Variants in AFG3L2 observed in about 807,000 individuals in gnomAD.
The protein encoded by AFG3L2 is mitochondrial inner membrane m-AAA protease component AFG3L2.
A neutral mutation model predicts 94.5 loss-of-function variants in AFG3L2; 54 were observed. The observed-to-expected ratio is 0.57, with a 90% CI of 0.46 to 0.72. AFG3L2 has a LOEUF of 0.72. AFG3L2 is among the 30% of genes least tolerant of loss of function. The pLI is 0.00. For synonymous variants in AFG3L2, 377 were observed against 365.5 expected, an observed-to-expected ratio of 1.03 and a Z score of -0.36; for missense variants, 754 against 994.9, an observed-to-expected ratio of 0.76 and a Z score of 3.26.
At chr18:12,334,933 G>A (rs375329200) in intron 16 of AFG3L2, among the ~76,000 whole-genome samples, 1 of 152,158 alleles carries the variant, frequency 6.6e-6, no homozygotes, top group Non-Finnish European at 1.5e-5. Flanking sequence ...GCTCTGGAGG[G>A]CCTGGGACTT....
At chr18:12,369,458 G>A (rs941224044) in intron 3 of AFG3L2, among the ~76,000 whole-genome samples, 1 of 152,184 alleles carries the variant, frequency 6.6e-6, no homozygotes, top group Non-Finnish European at 1.5e-5. Flanking sequence ...GAGGCCAGGT[G>A]CAGTGGTCAC....
intron 12 of AFG3L2, among the ~76,000 whole-genome samples, chr18:12,350,197 G>T (rs1908268829): frequency 6.6e-6 from 1 of 151,096 alleles, no homozygotes; most frequent in Non-Finnish European, 1.5e-5. Flanking sequence ...TTTTAGTAGA[G>T]ACAGGGTTTT....
chr18:12,352,281 C>T (rs980747420), intron 10 of AFG3L2, among the ~76,000 whole-genome samples: 1 of 152,184 alleles, frequency 6.6e-6, no homozygotes, highest in Non-Finnish European at 1.5e-5. Context: ...GGCTGACCAT[C>T]GCGGGACGGA....
rs1197071083 is a variant in AFG3L2 at position 12,340,396 on chromosome 18, G to A, written c.1785C>T (p.Ser595=). 1 of 1,612,812 alleles carries A rather than the reference G, an allele frequency of 6.2e-7. No individual in the cohort carries two copies. The highest frequency in any genetic ancestry group is 2.2e-5 in the East Asian group (1 of 44,854). Residue 595 remains serine (S), a synonymous_variant, in exon 15 of 17, where the codon TCC becomes TCT. Transcript: ENST00000269143. ...CTAGTCCTTTGCCACGTGGGATGAT[G>A]GATACCTGGTAAGTAGAAAACAGTG... is the stretch of plus-strand genomic sequence containing the variant. ...LEHADPLLKV[S]IIPRGKGLGY...
intron 13 of AFG3L2, among the ~76,000 whole-genome samples, chr18:12,347,554 A>AT (rs34215474): frequency 0.024 from 3,441 of 140,652 alleles, 121 homozygotes; most frequent in African/African-American, 0.086. Context: ...TATTATTATT[A>AT]TTTTTTTTTT....
intron 16 of AFG3L2, 149 bp downstream of exon 16, chr18:12,337,192 C>T: frequency 1.4e-6 from 1 of 738,702 alleles, no homozygotes; most frequent in South Asian, 1.5e-5. Flanking sequence ...GAAGACAGAG[C>T]AGACAACGAA....
intron 6 of AFG3L2, 147 bp from the exon 7 acceptor site, chr18:12,360,198 T>C: frequency 1.3e-6 from 1 of 770,052 alleles, no homozygotes; most frequent in Non-Finnish European, 2.0e-6. Context: ...CTGGCTTTAA[T>C]AATGGTGGTG....
At position 12,367,117 on chromosome 18, in the gene AFG3L2, C is replaced by T. The variant is rs1250198307; in HGVS notation, c.400G>A (p.Gly134Ser). The T allele has an allele frequency of 6.2e-7, 1 of 1,614,206 alleles. No individual in the cohort carries two copies. Among genetic ancestry groups the T allele is most frequent in the Admixed American group, 1.7e-5 (1 of 60,022 alleles). Reference protein sequence around the residue: ...DSHWWSRFQKGDIPWDDKDFR... With the variant: ...DSHWWSRFQKSDIPWDDKDFR... ...TCCTTGTCGTCCCATGGAATGTCACCCTGGGCAGAGAGGGAGACAGCTTCT... is the reference window on the plus strand; with the variant it reads ...TCCTTGTCGTCCCATGGAATGTCACTCTGGGCAGAGAGGGAGACAGCTTCT... The change falls in exon 5 of 17, where the codon GGT (glycine) becomes AGT (serine). Residue 134 changes from glycine (G) to serine (S), a missense_variant and splice_region_variant. Around this residue, in one of 4 missense-constraint regions of AFG3L2, gnomAD observed 236 missense variants for 214.0 expected, o/e 1.10. Transcript: ENST00000269143.
At chr18:12,373,135 A>C (rs2143239685) in intron 1 of AFG3L2, among the ~76,000 whole-genome samples, 1 of 152,356 alleles carries the variant, frequency 6.6e-6, no homozygotes, top group Non-Finnish European at 1.5e-5. Flanking sequence ...AGGAACACCA[A>C]CACTGTTTTT....
chr18:12,355,298 G>A (rs1908456983), intron 9 of AFG3L2, among the ~76,000 whole-genome samples: 1 of 151,314 alleles, frequency 6.6e-6, no homozygotes. Flanking sequence ...AACTCTCCAA[G>A]GAAGATATAC....
At chr18:12,359,070 G>A (rs1908581068) in intron 7 of AFG3L2, 127 bp from the exon 8 acceptor site, 10 of 1,356,942 alleles carry the variant, frequency 7.4e-6, no homozygotes, top group Admixed American at 2.2e-5. Flanking sequence ...TAATACAAAG[G>A]AGGGTAACTT....
chr18:12,331,995 C>A (rs892926594), intron 16 of AFG3L2, among the ~76,000 whole-genome samples: 13 of 151,828 alleles, frequency 8.6e-5, no homozygotes, highest in Non-Finnish European at 1.3e-4. Context: ...GAAAAAGGGA[C>A]CCCTACCGGA....
Position 12,337,397 on chromosome 18 carries a change from C to T in AFG3L2, c.2119G>A (p.Asp707Asn), listed in dbSNP as rs766758709. Residue 707 changes from aspartate (D) to asparagine (N), a missense_variant, in exon 16 of 17, where the codon GAT becomes AAT. Physicochemically the swap from Asp to Asn is conservative, Grantham distance 23 (BLOSUM62 1). This residue lies in a region of AFG3L2 where 279 missense variants were observed against 378.6 expected (regional missense o/e 0.74). Transcript: ENST00000269143. ...IDDEVRILIN[D>N]AYKRTVALLT... The stretch of plus-strand genomic sequence containing the variant: ...AGAGCTACTGTTCTTTTATAAGCAT[C>T]ATTAATAAGTATTCGTACTTCATCA... 2 of 1,614,158 alleles carry T rather than the reference C, an allele frequency of 1.2e-6. No individual in the cohort carries two copies. Among genetic ancestry groups the T allele is most frequent in the Non-Finnish European group, 8.5e-7 (1 of 1,179,974 alleles).
intron 16 of AFG3L2, among the ~76,000 whole-genome samples, chr18:12,333,099 T>C (rs1359149000): frequency 2.5e-5 from 1 of 39,336 alleles, no homozygotes; most frequent in African/African-American, 7.2e-5. Flanking sequence ...GATTATAATC[T>C]ATTATATAAC....
intron 16 of AFG3L2, among the ~76,000 whole-genome samples, chr18:12,335,976 G>A (rs1428142635): frequency 6.6e-6 from 1 of 152,218 alleles, no homozygotes; most frequent in Non-Finnish European, 1.5e-5. Context: ...AGCTGCCTTT[G>A]CAAAATTATA....
intron 15 of AFG3L2, among the ~76,000 whole-genome samples, chr18:12,339,678 C>A (rs138418731): frequency 0.024 from 3,574 of 151,544 alleles, 155 homozygotes; most frequent in African/African-American, 0.082. Flanking sequence ...GAAACCCTGT[C>A]TCTACTAAAA....
chr18:12,348,317 A>T lies in AFG3L2; in HGVS notation c.1619T>A (p.Ile540Lys). ...TGCCTGTTCAAAGTGTTTCTGATTT[A>T]TGGAATCTGACAGATGCCTTGCAGC... ...LIAARHLSDS[I>K]NQKHFEQAIE... The change falls in exon 13 of 17, where the codon ATA becomes AAA. Residue 540 changes from isoleucine (I) to lysine (K), a missense_variant. Physicochemically the swap from Ile to Lys is moderately radical, Grantham distance 102. This residue lies in a region of AFG3L2 where 279 missense variants were observed against 378.6 expected (regional missense o/e 0.74). Transcript: ENST00000269143. 1 of 1,614,206 alleles carries T rather than the reference A, an allele frequency of 6.2e-7. No individual in the cohort carries two copies. Among genetic ancestry groups the T allele is most frequent in the East Asian group, 2.2e-5 (1 of 44,874 alleles).
intron 6 of AFG3L2, among the ~76,000 whole-genome samples, chr18:12,363,371 ATGGT>A (rs1359972049): frequency 6.6e-6 from 1 of 152,138 alleles, no homozygotes; most frequent in East Asian, 1.9e-4. Flanking sequence ...ATATCACAAA[ATGGT>A]TGGGAGATGG....
In AFG3L2 at chr18:12,353,163, G is replaced by A. The variant is rs1416177816; in HGVS notation, c.1165-5C>T. Reference sequence around the variant, plus strand: ...AAGGGCAAATAAGTCTCGGACCTTGGCAAAAACAGAAAGAGAGTCACCTGA... The same window carrying A: ...AAGGGCAAATAAGTCTCGGACCTTGACAAAAACAGAAAGAGAGTCACCTGA... On this transcript the variant is annotated splice_region_variant and splice_polypyrimidine_tract_variant and intron_variant, in intron 9 of 16. Coordinates refer to ENST00000269143, the MANE Select transcript of AFG3L2 (RefSeq NM_006796.3). 2.5e-6 allele frequency: 4 copies of A among 1,613,762 alleles called. No homozygotes were observed. The East Asian group carries it at 8.9e-5, about 36-fold the overall frequency.
Sources: gnomAD v4.1 joint callset for allele counts (sites outside exome capture counted in the v4.1 genomes callset) on GRCh38, gnomAD v4.1.1 for gene constraint, gnomAD v4.1.1 regional missense constraint, MANE v1.5 for transcripts, NCBI Gene and HGNC (gene_info 2026-07-23, HGNC 2026-07-21) for gene names.